The following E2F8 variants were observed in gnomAD, a reference collection of about 807,000 sequenced individuals.
The protein encoded by E2F8 is E2F transcription factor 8.
A neutral mutation model predicts 80.8 loss-of-function variants in E2F8; 35 were observed. The observed-to-expected ratio is 0.43, with a 90% CI of 0.33 to 0.57. The LOEUF is 0.57. E2F8 is among the 20% of genes least tolerant of loss of function. The pLI, the probability that E2F8 is intolerant of heterozygous loss-of-function variation, is 0.04. For missense variants in E2F8, 975 were observed against 1,056.2 expected (o/e 0.92, Z 1.07); for synonymous variants, 386 against 395.0 (o/e 0.98, Z 0.27).
chr11:19,234,699 A>G, intron 5 of E2F8, 45 bp downstream of exon 5: 1 of 1,568,762 alleles, frequency 6.4e-7, no homozygotes, highest in Non-Finnish European at 8.6e-7. Flanking sequence ...CCTTAGACAG[A>G]GGACAAATGC....
intron 4 of E2F8, 116 bp downstream of exon 4, chr11:19,237,198 G>A: frequency 5.9e-6 from 6 of 1,017,746 alleles, no homozygotes; most frequent in Non-Finnish European, 8.7e-6. Flanking sequence ...AAATTTCCAT[G>A]CCGGCTTATT....
chr11:19,228,119 A>T (rs1000558126), intron 10 of E2F8, among the ~76,000 whole-genome samples: 1 of 152,170 alleles, frequency 6.6e-6, no homozygotes, highest in African/African-American at 2.4e-5. Flanking sequence ...TTGCAGAGAT[A>T]TAAAAAAGAA....
At position 19,229,656 on chromosome 11, in the gene E2F8, T is replaced by C; in HGVS notation, c.1691A>G (p.Glu564Gly). 6.2e-7 allele frequency: 1 copy of C among 1,614,210 alleles called. No individual in the cohort carries two copies. ...GSKDSTDATT[E>G]KAANDTSKAS... ...CTTTGAGGTATCATTGGCTGCCTTC[T>C]CAGTGGTGGCATCTGTGGAGTCTTT... The change falls in exon 10 of 13, where the codon GAG becomes GGG. Residue 564 changes from glutamate to glycine, a missense_variant. Physicochemically the swap from Glu to Gly is moderately conservative, Grantham distance 98. Coordinates refer to ENST00000250024, the MANE Select transcript of E2F8 (RefSeq NM_024680.4). The surrounding 1 kb of genome is among the most constrained non-coding windows in gnomAD (Gnocchi z 4.3).
chr11:19,230,947 T>A, intron 7 of E2F8, 113 bp from the exon 8 acceptor site: 1 of 858,192 alleles, frequency 1.2e-6, no homozygotes, highest in Non-Finnish European at 1.8e-6. Context: ...ACCGACCATG[T>A]GCCTGTCACT....
In E2F8 at chr11:19,234,738, T is replaced by C. The variant is rs1166264491; in HGVS notation, c.766+6A>G. On this transcript the variant is annotated splice_donor_region_variant and intron_variant, in intron 5 of 12. Coordinates refer to ENST00000250024, the MANE Select transcript of E2F8 (RefSeq NM_024680.4). ...GCCGCCTGGAGTTTTCACTACCATC[T>C]CTCACCTGCCCGAAATTCCACTCCA... 6.2e-7 allele frequency: 1 copy of C among 1,605,074 alleles called. No individual in the cohort carries two copies. Among genetic ancestry groups the C allele is most frequent in the African/African-American group, 1.3e-5 (1 of 74,700 alleles).
chr11:19,238,422 T>C (rs938595651), intron 2 of E2F8, among the ~76,000 whole-genome samples: 6 of 152,358 alleles, frequency 3.9e-5, no homozygotes, highest in Admixed American at 1.3e-4. Flanking sequence ...TTTAATTGTA[T>C]TTTGAAATAG....
At chr11:19,227,027 C>T (rs1007809415) in intron 10 of E2F8, among the ~76,000 whole-genome samples, 1 of 152,172 alleles carries the variant, frequency 6.6e-6, no homozygotes, top group Non-Finnish European at 1.5e-5. Context: ...AAAGTTTACA[C>T]GGGTGCCTGA....
intron 8 of E2F8, 147 bp from the exon 9 acceptor site, chr11:19,230,475 C>G: frequency 2.5e-6 from 3 of 1,203,304 alleles, no homozygotes; most frequent in Non-Finnish European, 3.5e-6. Context: ...CCACAAATGA[C>G]TTTTTAAATT....
In E2F8 at chr11:19,229,879, G is replaced by A. The variant is rs80272893; in HGVS notation, c.1468C>T (p.Leu490Phe). 94 of 1,614,070 alleles carry A rather than the reference G, an allele frequency of 5.8e-5. No individual in the cohort carries two copies. In the East Asian group the frequency reaches 2.0e-3, roughly 34 times the overall value. The change falls in exon 10 of 13, where the codon CTC (leucine) becomes TTC (phenylalanine). Residue 490 changes from leucine (L) to phenylalanine (F), a missense_variant. By Grantham distance (22) the Leu-to-Phe change is conservative. Transcript: ENST00000250024. This position sits in a 1 kb window ranked among gnomAD's most constrained non-coding sequence, Gnocchi z 4.3. ...NAEMELTAPS[L>F]IQPLGMVPLI... ...GGAACCATTCCCAGGGGCTGGATGA[G>A]GGACGGTGCTGTCAGCTCCATCTCA...
At chr11:19,225,002 A>C in intron 12 of E2F8, 162 bp from the exon 13 acceptor site, 4 of 1,134,280 alleles carry the variant, frequency 3.5e-6, no homozygotes, top group Non-Finnish European at 4.9e-6. Flanking sequence ...ATTCTCAATT[A>C]TTTTTGTTAG....
chr11:19,225,937 G>T, intron 10 of E2F8, 73 bp from the exon 11 acceptor site: 2 of 1,538,048 alleles, frequency 1.3e-6, no homozygotes, highest in South Asian at 1.2e-5. Flanking sequence ...CCTCTTTCAG[G>T]ACTAATATCC....
At position 19,230,611 on chromosome 11, in the gene E2F8, T is replaced by C; in HGVS notation, c.1270+20A>G. 1 of 1,610,998 alleles carries C rather than the reference T, an allele frequency of 6.2e-7. No homozygotes were observed. The highest frequency in any genetic ancestry group is 8.5e-7 in the Non-Finnish European group (1 of 1,177,818). On this transcript the variant is annotated intron_variant, in intron 8 of 12. Coordinates refer to ENST00000250024, the MANE Select transcript of E2F8 (RefSeq NM_024680.4). ...AAGGGAATTCTTCCTAGCAGATCCC[T>C]GACATTCCTGAAAACATACCTTTGT...
At chr11:19,225,116 C>G in intron 12 of E2F8, 105 bp downstream of exon 12, 1 of 1,474,744 alleles carries the variant, frequency 6.8e-7, no homozygotes. Context: ...ACTTTCCCAT[C>G]CTTTCCCTCT....
In E2F8 at chr11:19,231,324, C is replaced by T. The variant is rs540168075; in HGVS notation, c.1067-490G>A. Among the ~76,000 whole-genome samples, 4 of 152,264 alleles carry T rather than the reference C, an allele frequency of 2.6e-5. No individual in the cohort carries two copies. In the East Asian group the frequency reaches 7.7e-4, roughly 29 times the overall value. On this transcript the variant is annotated intron_variant, in intron 7 of 12. Coordinates refer to ENST00000250024, the MANE Select transcript of E2F8 (RefSeq NM_024680.4). ...GATATGAACCTGGTCAATATGGCCC[C>T]GGAATTTTCACTCCAAATTCCTGCA...
In E2F8 at chr11:19,235,630, A is replaced by C. The variant is rs191595034; in HGVS notation, c.452-572T>G. 2.3e-3 allele frequency among the ~76,000 whole-genome samples: 353 copies of C among 151,448 alleles called. 5 individuals are homozygous for C. Among genetic ancestry groups the C allele is most frequent in the African/African-American group, 8.1e-3 (333 of 41,146 alleles). ...CGCCACAGCACTCCAGCCTGGGCGAAAGAGCGAGACTCCGTCTCAAAAACA... is the reference window on the plus strand; with the variant it reads ...CGCCACAGCACTCCAGCCTGGGCGACAGAGCGAGACTCCGTCTCAAAAACA... On this transcript the variant is annotated intron_variant, in intron 4 of 12. Transcript: ENST00000250024.
chr11:19,230,875 C>T (rs1851362128), intron 7 of E2F8, 41 bp from the exon 8 acceptor site: 1 of 1,599,106 alleles, frequency 6.3e-7, no homozygotes, highest in Non-Finnish European at 8.6e-7. Flanking sequence ...CTGGATGGCT[C>T]AGTTGGCTTT....
rs1411788698 is a variant in E2F8 at position 19,240,217 on chromosome 11, A to G, written c.-96T>C. ...TCAAGTAGTCCAATCAATTGTACTA[A>G]AAGTTTTAATATCCTTAAAGAAAAA... On this transcript the variant is annotated 5_prime_UTR_variant, in exon 2 of 13. Transcript: ENST00000250024. The G allele has an allele frequency of 1.3e-6, 1 of 740,984 alleles. No homozygotes were observed. The highest frequency in any genetic ancestry group is 3.0e-5 in the East Asian group (1 of 33,230). 45.9% of individuals were successfully genotyped at this position (740,984 alleles called of 1,614,324 possible). A position where few individuals can be genotyped will look rare whatever the true frequency, so the allele number is the denominator to read the frequency against.
chr11:19,230,449 G>A (rs1243498050), intron 8 of E2F8, 121 bp from the exon 9 acceptor site: 17 of 1,208,568 alleles, frequency 1.4e-5, no homozygotes, highest in East Asian at 4.8e-5. Flanking sequence ...GTTGCATAGC[G>A]ATTAAACAAT....
At chr11:19,232,128 G>A (rs1222883407) in intron 7 of E2F8, 106 bp downstream of exon 7, 93 of 1,469,960 alleles carry the variant, frequency 6.3e-5, no homozygotes, top group Non-Finnish European at 7.9e-5. Flanking sequence ...GTTGAACAAT[G>A]AGAACACATG....
Sources: allele counts gnomAD v4.1 joint callset (sites outside exome capture counted in the v4.1 genomes callset), GRCh38; gene constraint gnomAD v4.1.1; non-coding constraint Gnocchi (gnomAD v3.1); transcripts MANE v1.5; gene names NCBI Gene and HGNC (gene_info 2026-07-23, HGNC 2026-07-21).